COL4A1: variants seen among roughly 807,000 people sequenced by gnomAD.
COL4A1 encodes the protein collagen type IV alpha 1 chain, also known as collagen alpha-1(IV) chain.
In COL4A1, 40 loss-of-function variants were observed where a neutral mutation model predicts 216.6. The observed-to-expected ratio is 0.18, with a 90% confidence interval of 0.14 to 0.24. The LOEUF (loss-of-function observed/expected upper bound fraction) is 0.24. Ranked by LOEUF, COL4A1 falls within the 10% of genes least tolerant of loss-of-function variation. The probability of loss-of-function intolerance (pLI) is 1.00; values close to 1 mark genes in which losing one functional copy is unlikely to be tolerated. For synonymous variants in COL4A1, 839 were observed against 810.7 expected, an observed-to-expected ratio of 1.03 and a Z score of -0.59; for missense variants, 1,628 against 2,196.8, an observed-to-expected ratio of 0.74 and a Z score of 5.18.
At chr13:110,161,962 A>T in intron 48 of COL4A1, 1 of 517,012 alleles carries the variant, frequency 1.9e-6, no homozygotes, top group Non-Finnish European at 3.5e-6. Flanking sequence ...GATGAGATCT[A>T]AAGTTTTATT....
chr13:110,262,584 G>A (rs569311812), intron 1 of COL4A1, among the ~76,000 whole-genome samples: 6 of 152,194 alleles, frequency 3.9e-5, no homozygotes, highest in East Asian at 1.9e-4. Flanking sequence ...CAACAATCTC[G>A]GAGTGCTTTT....
chr13:110,246,043 A>G (rs1294040318), intron 1 of COL4A1, among the ~76,000 whole-genome samples: 1 of 152,112 alleles, frequency 6.6e-6, no homozygotes, highest in Non-Finnish European at 1.5e-5. Context: ...CATTCCAAAA[A>G]TATCTAAATT....
At chr13:110,232,523 T>A (rs551165554) in intron 2 of COL4A1, among the ~76,000 whole-genome samples, 2 of 152,320 alleles carry the variant, frequency 1.3e-5, no homozygotes, top group African/African-American at 4.8e-5. Context: ...GTTTGTTTTA[T>A]GTTAAGTCTT....
chr13:110,247,844 A>G (rs1881897310), intron 1 of COL4A1, among the ~76,000 whole-genome samples: 2 of 100,298 alleles, frequency 2.0e-5, no homozygotes, highest in Non-Finnish European at 2.0e-5. Context: ...TGGCAGAGAG[A>G]GAGGGAGGGA....
At chr13:110,155,737 G>A (rs993258747) in intron 49 of COL4A1, among the ~76,000 whole-genome samples, 4 of 152,080 alleles carry the variant, frequency 2.6e-5, no homozygotes, top group Admixed American at 1.3e-4. Flanking sequence ...ATGGAGAAAC[G>A]CTGTCTCTAC....
chr13:110,301,738 G>C (rs949868639), intron 1 of COL4A1, among the ~76,000 whole-genome samples: 2 of 152,148 alleles, frequency 1.3e-5, no homozygotes, highest in Admixed American at 6.5e-5. Context: ...CGGGGAGCAG[G>C]AGAAGATGAA....
intron 1 of COL4A1, among the ~76,000 whole-genome samples, chr13:110,244,887 T>G (rs1418995587): frequency 6.6e-6 from 1 of 152,152 alleles, no homozygotes; most frequent in African/African-American, 2.4e-5. Flanking sequence ...CATTATCAAT[T>G]GTTAGATCTA....
chr13:110,234,181 A>T (rs1881193931), intron 2 of COL4A1, among the ~76,000 whole-genome samples: 1 of 152,226 alleles, frequency 6.6e-6, no homozygotes, highest in South Asian at 2.1e-4. Flanking sequence ...TAACTTGGTC[A>T]AAACAACTTG....
intron 41 of COL4A1, among the ~76,000 whole-genome samples, chr13:110,171,589 G>C (rs530675002): frequency 6.6e-6 from 1 of 152,266 alleles, no homozygotes; most frequent in African/African-American, 2.4e-5. Flanking sequence ...AAAATTCTAA[G>C]GTTATTTCCA....
At chr13:110,230,814 G>A (rs572568338) in intron 2 of COL4A1, among the ~76,000 whole-genome samples, 9 of 152,340 alleles carry the variant, frequency 5.9e-5, no homozygotes, top group Admixed American at 1.3e-4. Context: ...CAGGTTCCAC[G>A]TGCAGAGGCG....
In COL4A1 at chr13:110,201,798, A is replaced by G. The variant is rs146115384; in HGVS notation, c.1000-276T>C. On this transcript the variant is annotated intron_variant, in intron 18 of 51. Coordinates refer to ENST00000375820, the MANE Select transcript of COL4A1 (RefSeq NM_001845.6). The stretch of plus-strand genomic sequence containing the variant: ...GGAGTTCGAGACCAGCCTGGTCAAT[A>G]TGGTGAAACCCCGACTCTACTAAAA... The G allele has an allele frequency of 7.1e-3, 4,186 of 587,360 alleles. 131 individuals are homozygous for G. The highest frequency in any genetic ancestry group is 0.069 in the African/African-American group (3,768 of 54,416). 36.4% of individuals were successfully genotyped at this position (587,360 alleles called of 1,614,324 possible).
intron 42 of COL4A1, 59 bp downstream of exon 42, chr13:110,170,488 T>C (rs563563999): frequency 2.0e-6 from 3 of 1,518,870 alleles, no homozygotes; most frequent in Non-Finnish European, 2.7e-6. Context: ...TTTTACGCTA[T>C]TTCCTTTTGT....
In COL4A1 at chr13:110,201,418, G is replaced by T. The variant is rs756740376; in HGVS notation, c.1084+20C>A. 17 of 1,270,950 alleles carry T rather than the reference G, an allele frequency of 1.3e-5. No individual in the cohort carries two copies. Among genetic ancestry groups the T allele is most frequent in the Middle Eastern group, 4.3e-4 (2 of 4,640 alleles). The allele number at this position is 1,270,950 out of a possible 1,614,324, so 78.7% of individuals were successfully genotyped here. ...AAGGAGGGGGAGTAGGAGGAGGGGGGAAAAAGGCAAGAAAGCTACCTTTTG... is the reference window on the plus strand; with the variant it reads ...AAGGAGGGGGAGTAGGAGGAGGGGGTAAAAAGGCAAGAAAGCTACCTTTTG... On this transcript the variant is annotated intron_variant, in intron 19 of 51. Coordinates refer to ENST00000375820, the MANE Select transcript of COL4A1 (RefSeq NM_001845.6).
Position 110,198,629 on chromosome 13 carries a change from G to A in COL4A1, c.1123C>T (p.Leu375Phe), listed in dbSNP as rs1879019007. The change falls in exon 21 of 52, where the codon CTC (leucine) becomes TTC (phenylalanine). Residue 375 changes from leucine to phenylalanine, a missense_variant and splice_region_variant. Leu to Phe is a conservative substitution (Grantham distance 22, BLOSUM62 0). This residue lies in a region of COL4A1 where 701 missense variants were observed against 892.5 expected (regional missense o/e 0.79). Coordinates refer to ENST00000375820, the MANE Select transcript of COL4A1 (RefSeq NM_001845.6). ...GLPGQPGPPG[L>F]PVPGQAGAPG... ...GCACCAGCCTGCCCAGGTACAGGGA[G>A]GCCTGCAACCAGACAGAAGCTCACA... 1 of 1,614,024 alleles carries A rather than the reference G, an allele frequency of 6.2e-7. No homozygotes were observed.
chr13:110,169,983 G>A (rs1877538401), intron 42 of COL4A1, among the ~76,000 whole-genome samples: 2 of 140,194 alleles, frequency 1.4e-5, no homozygotes, highest in South Asian at 4.9e-4. Flanking sequence ...ACACTGGACC[G>A]ACAATGTGAA....
chr13:110,252,117 G>A (rs1418684745), intron 1 of COL4A1, among the ~76,000 whole-genome samples: 1 of 151,936 alleles, frequency 6.6e-6, no homozygotes, highest in Non-Finnish European at 1.5e-5. Flanking sequence ...TCCCTCTCCC[G>A]GGTTCAGGCA....
At chr13:110,296,525 A>G (rs1248602584) in intron 1 of COL4A1, among the ~76,000 whole-genome samples, 1 of 152,252 alleles carries the variant, frequency 6.6e-6, no homozygotes, top group African/African-American at 2.4e-5. Context: ...AGATACAAAG[A>G]GGCACAACAG....
chr13:110,285,143 G>A (rs1188994963), intron 1 of COL4A1, among the ~76,000 whole-genome samples: 3 of 152,212 alleles, frequency 2.0e-5, no homozygotes, highest in Admixed American at 2.0e-4. Flanking sequence ...TTTCTAACAT[G>A]AGTTATTTTC....
At chr13:110,292,657 A>G (rs1411067729) in intron 1 of COL4A1, among the ~76,000 whole-genome samples, 1 of 152,184 alleles carries the variant, frequency 6.6e-6, no homozygotes, top group East Asian at 1.9e-4. Flanking sequence ...AGAAAGCACA[A>G]TTTTTAAAAC....
Sources: allele counts gnomAD v4.1 joint callset (sites outside exome capture counted in the v4.1 genomes callset), GRCh38; gene constraint gnomAD v4.1.1; regional missense constraint gnomAD v4.1.1; transcripts MANE v1.5; gene names NCBI Gene and HGNC (gene_info 2026-07-23, HGNC 2026-07-21).